Variants in NRXN3 observed in about 807,000 individuals in gnomAD.
NRXN3 encodes the protein neurexin 3, also known as neurexin III.
A neutral mutation model predicts 137.6 loss-of-function variants in NRXN3; 32 were observed. The observed-to-expected ratio is 0.23, with a 90% CI of 0.18 to 0.31. The LOEUF (loss-of-function observed/expected upper bound fraction) is 0.31. NRXN3 is among the 10% of genes least tolerant of loss of function. NRXN3 has a pLI of 1.00. For missense variants in NRXN3, 1,574 were observed against 2,062.5 expected (o/e 0.76, Z 4.59); for synonymous variants, 798 against 784.5 (o/e 1.02, Z -0.29).
intron 11 of NRXN3, among the ~76,000 whole-genome samples, chr14:78,962,551 A>G (rs1355711779): frequency 1.3e-5 from 2 of 152,136 alleles, no homozygotes; most frequent in Non-Finnish European, 2.9e-5. Context: ...TGACACATAG[A>G]TTAAAAAAAA....
chr14:78,758,363 G>GC (rs1476307295), intron 8 of NRXN3, among the ~76,000 whole-genome samples: 2 of 152,194 alleles, frequency 1.3e-5, no homozygotes, highest in Non-Finnish European at 2.9e-5. Flanking sequence ...AAACCTTCCA[G>GC]CCATGGCCAA....
At chr14:79,593,630 CA>C (rs58254245) in intron 16 of NRXN3, among the ~76,000 whole-genome samples, 12,516 of 74,262 alleles carry the variant, frequency 0.17, 496 homozygotes, top group East Asian at 0.41. Context: ...GACTCCGTCT[CA>C]AAAAAAAAAA....
chr14:79,056,617 A>G (rs1200334943), intron 15 of NRXN3, among the ~76,000 whole-genome samples: 1 of 152,240 alleles, frequency 6.6e-6, no homozygotes, highest in Non-Finnish European at 1.5e-5. Context: ...TGGGGTCTGC[A>G]GGATCTACAA....
intron 15 of NRXN3, among the ~76,000 whole-genome samples, chr14:79,445,697 A>G (rs1317256586): frequency 1.3e-5 from 2 of 152,200 alleles, no homozygotes; most frequent in African/African-American, 4.8e-5. Flanking sequence ...AAGTGCAAAG[A>G]TCCCAAAGCC....
chr14:78,869,964 A>G (rs1466653795), intron 10 of NRXN3, among the ~76,000 whole-genome samples: 2 of 152,228 alleles, frequency 1.3e-5, no homozygotes, highest in Non-Finnish European at 2.9e-5. Context: ...CAGACAGACA[A>G]TGACTAAGAG....
At chr14:79,534,535 T>C (rs1289118186) in intron 16 of NRXN3, among the ~76,000 whole-genome samples, 2 of 152,186 alleles carry the variant, frequency 1.3e-5, no homozygotes, top group African/African-American at 4.8e-5. Flanking sequence ...GAAATTTGCA[T>C]AGCTGTTTGT....
At chr14:79,108,747 A>C (rs1423051798) in intron 15 of NRXN3, among the ~76,000 whole-genome samples, 1 of 152,146 alleles carries the variant, frequency 6.6e-6, no homozygotes, top group Non-Finnish European at 1.5e-5. Context: ...ATACATACTC[A>C]AAAATAACTT....
At chr14:78,626,384 A>G (rs944718539) in intron 4 of NRXN3, among the ~76,000 whole-genome samples, 2 of 152,236 alleles carry the variant, frequency 1.3e-5, no homozygotes, top group Non-Finnish European at 2.9e-5. Flanking sequence ...GTAGAAAACA[A>G]TCATCATGGG....
chr14:79,465,004 A>G (rs2096403108), intron 15 of NRXN3, among the ~76,000 whole-genome samples: 1 of 152,198 alleles, frequency 6.6e-6, no homozygotes, highest in Non-Finnish European at 1.5e-5. Flanking sequence ...GTATGAATTT[A>G]TCTCTGTAGC....
intron 19 of NRXN3, among the ~76,000 whole-genome samples, chr14:79,798,259 T>A (rs1031556896): frequency 2.0e-5 from 3 of 152,188 alleles, no homozygotes; most frequent in Non-Finnish European, 4.4e-5. Flanking sequence ...TAGGTTTACT[T>A]AGAGTCAATA....
chr14:79,470,919 TGAGAGAGA>T (rs879935930), intron 16 of NRXN3, among the ~76,000 whole-genome samples: 4 of 131,410 alleles, frequency 3.0e-5, no homozygotes, highest in South Asian at 2.4e-4. Flanking sequence ...TGTGTGTGTG[TGAGAGAGA>T]GAGAGAGAGA....
chr14:78,908,842 G>C (rs575683887), intron 10 of NRXN3, among the ~76,000 whole-genome samples: 1 of 152,158 alleles, frequency 6.6e-6, no homozygotes, highest in African/African-American at 2.4e-5. Flanking sequence ...TGGGGACAAT[G>C]CCCCAAAGAA....
intron 4 of NRXN3, among the ~76,000 whole-genome samples, chr14:78,318,861 A>G (rs1249346657): frequency 1.3e-5 from 2 of 152,236 alleles, no homozygotes; most frequent in South Asian, 4.1e-4. Flanking sequence ...CCAAGGTTGC[A>G]TTTGACCTTC....
chr14:78,177,682 A>G (rs2059404310), intron 1 of NRXN3: 1 of 152,158 alleles, frequency 6.6e-6, no homozygotes, highest in African/African-American at 2.4e-5. Flanking sequence ...CTAGAGAGAG[A>G]AATCCAATTT....
chr14:79,108,651 A>G (rs532903388), intron 15 of NRXN3, among the ~76,000 whole-genome samples: 2 of 152,284 alleles, frequency 1.3e-5, no homozygotes, highest in South Asian at 4.1e-4. Flanking sequence ...AATACAGCAT[A>G]CTTTTTTGAA....
At chr14:79,363,635 A>T (rs2093769349) in intron 15 of NRXN3, among the ~76,000 whole-genome samples, 1 of 151,488 alleles carries the variant, frequency 6.6e-6, no homozygotes, top group East Asian at 1.9e-4. Flanking sequence ...GGAAAAGAGG[A>T]CTCTGAAGAC....
intron 6 of NRXN3, among the ~76,000 whole-genome samples, chr14:78,668,423 T>A (rs1318198973): frequency 6.6e-6 from 1 of 152,196 alleles, no homozygotes; most frequent in Admixed American, 6.5e-5. Context: ...GCCAGGTTAG[T>A]GGCTTCTCAA....
chr14:79,017,017 A>T (rs1323376136), intron 15 of NRXN3, among the ~76,000 whole-genome samples: 2 of 152,114 alleles, frequency 1.3e-5, no homozygotes, highest in African/African-American at 4.8e-5. Flanking sequence ...ATTAGTATAA[A>T]CCTGGCACTT....
At chr14:78,583,788 T>A (rs2097029744) in intron 4 of NRXN3, among the ~76,000 whole-genome samples, 1 of 152,176 alleles carries the variant, frequency 6.6e-6, no homozygotes, top group Admixed American at 6.5e-5. Context: ...TTGCCCTGCT[T>A]GTTGAAAATC....
Sources: gnomAD v4.1 joint callset for allele counts (sites outside exome capture counted in the v4.1 genomes callset) on GRCh38, gnomAD v4.1.1 for gene constraint, MANE v1.5 for transcripts, NCBI Gene and HGNC (gene_info 2026-07-23, HGNC 2026-07-21) for gene names.